The following TIMP2 variants were observed in gnomAD, a reference collection of about 807,000 sequenced individuals.
TIMP2 encodes TIMP metallopeptidase inhibitor 2, also known as metalloproteinase inhibitor 2.
A neutral mutation model predicts 24.3 loss-of-function variants in TIMP2; 5 were observed. The observed-to-expected ratio is 0.21, with a 90% CI of 0.11 to 0.43. The LOEUF (loss-of-function observed/expected upper bound fraction) is 0.43. Ranked by LOEUF, TIMP2 falls within the 20% of genes least tolerant of loss-of-function variation. The pLI is 1.00. For missense variants in TIMP2, 221 were observed against 297.5 expected (o/e 0.74, Z 1.89); for synonymous variants, 130 against 123.2 (o/e 1.06, Z -0.37).
chr17:78,905,797 G>T (rs1279240445), intron 1 of TIMP2, among the ~76,000 whole-genome samples: 2 of 152,246 alleles, frequency 1.3e-5, no homozygotes, highest in African/African-American at 4.8e-5. Flanking sequence ...ACTCAGCCTT[G>T]AGAGTCTGGG....
At position 78,855,886 on chromosome 17, in the gene TIMP2, G is replaced by C. The variant is rs369798929; in HGVS notation, c.466-22C>G. ...TGATCTGGGGAGGGGCACACGGAGG[G>C]GGACGGAGTCAGGGACCCAGGAAGG... On this transcript the variant is annotated intron_variant, in intron 4 of 4. Transcript: ENST00000262768. This position sits in a 1 kb window ranked among gnomAD's most constrained non-coding sequence, Gnocchi z 6.0. The C allele has an allele frequency of 8.7e-6, 14 of 1,613,078 alleles. No homozygotes were observed. The African/African-American group carries it at 1.7e-4, about 20-fold the overall frequency.
intron 1 of TIMP2, among the ~76,000 whole-genome samples, chr17:78,885,425 TG>T (rs2069817264): frequency 6.6e-6 from 1 of 152,240 alleles, no homozygotes; most frequent in South Asian, 2.1e-4. Context: ...GCTGCTGGCA[TG>T]GCAGTGCTCT....
chr17:78,919,160 C>T (rs937132533), intron 1 of TIMP2, among the ~76,000 whole-genome samples: 7 of 152,260 alleles, frequency 4.6e-5, no homozygotes, highest in African/African-American at 1.7e-4. Flanking sequence ...CCCCCAGGCC[C>T]GCTCCAGCAC....
In TIMP2 at chr17:78,920,382, C is replaced by T. The variant is rs1385562018; in HGVS notation, c.130+4577G>A. On this transcript the variant is annotated intron_variant, in intron 1 of 4. Transcript: ENST00000262768. This position sits in a 1 kb window ranked among gnomAD's most constrained non-coding sequence, Gnocchi z 4.5. The stretch of plus-strand genomic sequence containing the variant: ...CAGAAGGGTGCAAATAGGGGAGGCC[C>T]GAGAGGCTCTGAGGCTGGCACTGTC... Among the ~76,000 whole-genome samples, 2 of 152,094 alleles carry T rather than the reference C, an allele frequency of 1.3e-5. No individual in the cohort carries two copies. Among genetic ancestry groups the T allele is most frequent in the Non-Finnish European group, 2.9e-5 (2 of 68,008 alleles).
At chr17:78,911,584 T>C (rs12937000) in intron 1 of TIMP2, among the ~76,000 whole-genome samples, 11,276 of 151,856 alleles carry the variant, frequency 0.074, 478 homozygotes, top group Middle Eastern at 0.13. Flanking sequence ...CCCGCCACCA[T>C]GCCCAGCTAA....
At chr17:78,910,925 G>C (rs1314047480) in intron 1 of TIMP2, among the ~76,000 whole-genome samples, 1 of 152,188 alleles carries the variant, frequency 6.6e-6, no homozygotes, top group Non-Finnish European at 1.5e-5. Context: ...CCAGGACCAT[G>C]GGGGTGCAGG....
At chr17:78,871,569 G>A (rs1022129407) in intron 2 of TIMP2, among the ~76,000 whole-genome samples, 4 of 151,796 alleles carry the variant, frequency 2.6e-5, no homozygotes, top group Non-Finnish European at 5.9e-5. Flanking sequence ...CATCTGTGCC[G>A]GGCGAAGTGG....
chr17:78,881,742 T>A (rs6501258), intron 1 of TIMP2, among the ~76,000 whole-genome samples: 120,044 of 152,258 alleles, frequency 0.79, 47,690 homozygotes, highest in Admixed American at 0.83. Context: ...AGCTTTGTTC[T>A]TTCACTGGGA....
Position 78,924,973 on chromosome 17 carries a change from CA to C in TIMP2, c.115del (p.Cys39AlafsTer5). On this transcript the variant is annotated frameshift_variant, in exon 1 of 5. Coordinates refer to ENST00000262768, the MANE Select transcript of TIMP2 (RefSeq NM_003255.5). LOFTEE classifies it high-confidence loss of function. This position sits in a 1 kb window ranked among gnomAD's most constrained non-coding sequence, Gnocchi z 5.3. Reference protein sequence around the residue: ...CSPVHPQQAFCNADVVIRAKA... With the variant: ...CSPVHPQQAFXNADVVIRAKA... The stretch of plus-strand genomic sequence containing the variant: ...CCGCTCCTTACCTACATCTGCATTG[CA>C]AAACGCCTGTTGCGGGTGCACCGGG... 1.5e-6 allele frequency: 2 copies of C among 1,299,502 alleles called. No homozygotes were observed. Among genetic ancestry groups the C allele is most frequent in the South Asian group, 2.2e-5 (1 of 46,086 alleles). The allele number at this position is 1,299,502 out of a possible 1,614,324, so 80.5% of individuals were successfully genotyped here.
intron 3 of TIMP2, among the ~76,000 whole-genome samples, chr17:78,861,991 A>G (rs2145747037): frequency 6.6e-6 from 1 of 152,348 alleles, no homozygotes; most frequent in South Asian, 2.1e-4. Context: ...GAGCATCTGC[A>G]GCGATGTTCT....
rs530349810 is a variant in TIMP2 at position 78,862,613 on chromosome 17, T to C, written c.341-4967A>G. On this transcript the variant is annotated intron_variant, in intron 3 of 4. Transcript: ENST00000262768. ...TGTGCAGATTTGTTACATGGGTATA[T>C]TGTGTGTCCCTGAGGTTTGGCATAT... 4.1e-4 allele frequency among the ~76,000 whole-genome samples: 63 copies of C among 152,354 alleles called. 2 individuals are homozygous for C. Among genetic ancestry groups the C allele is most frequent in the African/African-American group, 3.6e-4 (15 of 41,584 alleles).
At position 78,920,656 on chromosome 17, in the gene TIMP2, C is replaced by T. The variant is rs2070302235; in HGVS notation, c.130+4303G>A. On this transcript the variant is annotated intron_variant, in intron 1 of 4. Transcript: ENST00000262768. This position sits in a 1 kb window ranked among gnomAD's most constrained non-coding sequence, Gnocchi z 4.5. ...AACCTACCATGGGGCCTTCTATCCT[C>T]ACATCTTGCAAATGCATTTCACATT... is the stretch of plus-strand genomic sequence containing the variant. Among the ~76,000 whole-genome samples, 1 of 152,224 alleles carries T rather than the reference C, an allele frequency of 6.6e-6. No homozygotes were observed. Among genetic ancestry groups the T allele is most frequent in the South Asian group, 2.1e-4 (1 of 4,834 alleles).
At chr17:78,900,588 C>T (rs931170261) in intron 1 of TIMP2, among the ~76,000 whole-genome samples, 2 of 152,044 alleles carry the variant, frequency 1.3e-5, no homozygotes, top group East Asian at 1.9e-4. Context: ...AAGTAGAGTC[C>T]GAGGTGGTGG....
chr17:78,862,026 C>T (rs1009649311), intron 3 of TIMP2, among the ~76,000 whole-genome samples: 4 of 152,094 alleles, frequency 2.6e-5, no homozygotes, highest in South Asian at 4.1e-4. Context: ...CCGAGAAAAG[C>T]GAGGCATGAG....
intron 1 of TIMP2, among the ~76,000 whole-genome samples, chr17:78,893,235 ATGTGTGTGTAGGAG>A (rs1181192325): frequency 6.8e-5 from 6 of 88,058 alleles, no homozygotes; most frequent in East Asian, 3.6e-4. Flanking sequence ...GTGTGTGTGC[ATGTGTGTGTAGGAG>A]TGTGTGTGCA....
At position 78,920,438 on chromosome 17, in the gene TIMP2, T is replaced by C. The variant is rs2070300694; in HGVS notation, c.130+4521A>G. Among the ~76,000 whole-genome samples the C allele has an allele frequency of 6.6e-6, 1 of 152,226 alleles. No individual in the cohort carries two copies. The highest frequency in any genetic ancestry group is 2.1e-4 in the South Asian group (1 of 4,818). ...ATCCCAGATAGGGAGAAACGTGTGT[T>C]GTCCAGAGAGCTCCTTCCAGCACCT... On this transcript the variant is annotated intron_variant, in intron 1 of 4. Transcript: ENST00000262768. This position sits in a 1 kb window ranked among gnomAD's most constrained non-coding sequence, Gnocchi z 4.5.
intron 3 of TIMP2, among the ~76,000 whole-genome samples, chr17:78,868,150 A>G (rs1345953720): frequency 6.6e-6 from 1 of 152,126 alleles, no homozygotes; most frequent in Non-Finnish European, 1.5e-5. Flanking sequence ...AAATCCCCCA[A>G]TCATGGATAT....
Position 78,855,910 on chromosome 17 carries a change from G to A in TIMP2, c.466-46C>T, listed in dbSNP as rs754654303. On this transcript the variant is annotated intron_variant, in intron 4 of 4. Transcript: ENST00000262768. This position sits in a 1 kb window ranked among gnomAD's most constrained non-coding sequence, Gnocchi z 6.0. Reference sequence around the variant, plus strand: ...GGGGACGGAGTCAGGGACCCAGGAAGGGGTGGGCAGAGGCTGCTCTGGGGG... The same window carrying A: ...GGGGACGGAGTCAGGGACCCAGGAAAGGGTGGGCAGAGGCTGCTCTGGGGG... The A allele has an allele frequency of 3.1e-6, 5 of 1,601,462 alleles. No individual in the cohort carries two copies. The South Asian group carries it at 3.3e-5, about 11-fold the overall frequency.
chr17:78,870,806 C>A (rs935567153), intron 3 of TIMP2, 92 bp downstream of exon 3: 2 of 1,072,120 alleles, frequency 1.9e-6, no homozygotes, highest in East Asian at 5.1e-5. Flanking sequence ...CGCCTCCCCA[C>A]CCCCCGAGCC....
Sources: gnomAD v4.1 joint callset for allele counts (sites outside exome capture counted in the v4.1 genomes callset) on GRCh38, gnomAD v4.1.1 for gene constraint, Gnocchi (gnomAD v3.1) non-coding constraint, MANE v1.5 for transcripts, NCBI Gene and HGNC (gene_info 2026-07-23, HGNC 2026-07-21) for gene names.